SLIT3: variants seen among roughly 807,000 people sequenced by gnomAD.
SLIT3 encodes slit homolog 3 protein.
Under a neutral mutation model 184.0 loss-of-function variants are expected in SLIT3, and 68 were observed. The observed-to-expected ratio is 0.37, with a 90% CI of 0.30 to 0.45. The LOEUF is 0.45. Ranked by LOEUF, SLIT3 falls within the 20% of genes least tolerant of loss-of-function variation. The probability of loss-of-function intolerance (pLI) is 1.00; values close to 1 mark genes in which losing one functional copy is unlikely to be tolerated. For missense variants in SLIT3, 1,707 were observed against 2,026.0 expected (o/e 0.84, Z 3.02); for synonymous variants, 831 against 828.6 (o/e 1.00, Z -0.05).
At chr5:168,774,408 A>C in intron 12 of SLIT3, 30 bp from the exon 13 acceptor site, 1 of 1,587,682 alleles carries the variant, frequency 6.3e-7, no homozygotes, top group Non-Finnish European at 8.6e-7. Flanking sequence ...TGGTTGATTC[A>C]CTAATCCTGG....
intron 5 of SLIT3, among the ~76,000 whole-genome samples, chr5:168,878,393 G>A (rs1269621381): frequency 6.6e-6 from 1 of 152,218 alleles, no homozygotes; most frequent in Non-Finnish European, 1.5e-5. Flanking sequence ...AGGTCCACAG[G>A]GCTCAGAGGC....
At chr5:168,818,455 C>T (rs761007015) in intron 7 of SLIT3, among the ~76,000 whole-genome samples, 21 of 152,304 alleles carry the variant, frequency 1.4e-4, no homozygotes, top group East Asian at 1.9e-4. Context: ...CAGGTTCTTC[C>T]CCCAAGGTCT....
intron 4 of SLIT3, among the ~76,000 whole-genome samples, chr5:169,100,614 A>C (rs1190551296): frequency 6.6e-6 from 1 of 152,184 alleles, no homozygotes; most frequent in African/African-American, 2.4e-5. Context: ...TTGGGACAAG[A>C]GGGACACAAA....
chr5:168,719,697 C>T (rs919283883), intron 23 of SLIT3, among the ~76,000 whole-genome samples: 2 of 152,160 alleles, frequency 1.3e-5, no homozygotes, highest in African/African-American at 4.8e-5. Flanking sequence ...GATTTTAATG[C>T]ACAGAATCTT....
intron 4 of SLIT3, among the ~76,000 whole-genome samples, chr5:168,907,965 TATATATATATATATAG>T (rs1562000100): frequency 4.1e-4 from 33 of 80,074 alleles, no homozygotes; most frequent in Non-Finnish European, 7.8e-4. Flanking sequence ...TATATATATA[TATATATATATATATAG>T]AGAGAGAGAG....
chr5:169,271,061 T>C (rs1766590785), intron 1 of SLIT3, among the ~76,000 whole-genome samples: 1 of 152,128 alleles, frequency 6.6e-6, no homozygotes, highest in South Asian at 2.1e-4. Flanking sequence ...ACAGTGAAAA[T>C]GGCACACCTG....
chr5:169,162,286 G>A (rs1762506190), intron 4 of SLIT3, among the ~76,000 whole-genome samples: 1 of 152,220 alleles, frequency 6.6e-6, no homozygotes, highest in African/African-American at 2.4e-5. Flanking sequence ...CTCAGAAACT[G>A]GTGGGTAGGT....
chr5:168,744,390 G>A (rs1207865810), intron 20 of SLIT3, among the ~76,000 whole-genome samples: 2 of 152,236 alleles, frequency 1.3e-5, no homozygotes, highest in Admixed American at 1.3e-4. Flanking sequence ...TTATCCAGAT[G>A]ATCTAGCTAA....
chr5:169,154,401 G>C (rs1184867772), intron 4 of SLIT3, among the ~76,000 whole-genome samples: 2 of 152,196 alleles, frequency 1.3e-5, no homozygotes, highest in South Asian at 2.1e-4. Context: ...AGTTCTGCCT[G>C]CTGCCATCCT....
rs1581118710 is a variant in SLIT3, at chr5:168,823,301, G to C, written c.588C>G (p.Ile196Met). The change falls in exon 7 of 36, where the codon ATC becomes ATG. Residue 196 changes from isoleucine to methionine, a missense_variant. Ile to Met is a conservative substitution (Grantham distance 10). Around this residue, in one of 3 missense-constraint regions of SLIT3, gnomAD observed 1,307 missense variants for 1,511.6 expected, o/e 0.86. Transcript: ENST00000519560. ...GCATGTGGTTGAAGCTGGTGACCAG[G>C]ATGCGACTGATGTTGTTGTTGTTGA... Reference protein sequence around the residue: ...LTLNNNNISRILVTSFNHMPK... With the variant: ...LTLNNNNISRMLVTSFNHMPK... 6.2e-7 allele frequency: 1 copy of C among 1,613,930 alleles called. No homozygotes were observed. Among genetic ancestry groups the C allele is most frequent in the Non-Finnish European group, 8.5e-7 (1 of 1,179,938 alleles).
intron 3 of SLIT3, among the ~76,000 whole-genome samples, chr5:169,204,908 T>A (rs531994490): frequency 6.6e-6 from 1 of 152,226 alleles, no homozygotes; most frequent in African/African-American, 2.4e-5. Flanking sequence ...TAAGTGAGAT[T>A]CGTCCACAGA....
chr5:169,130,389 G>C (rs1761251368), intron 4 of SLIT3, among the ~76,000 whole-genome samples: 3 of 152,234 alleles, frequency 2.0e-5, no homozygotes. Context: ...AGAAAGAGCT[G>C]AGATAACAGT....
intron 4 of SLIT3, among the ~76,000 whole-genome samples, chr5:169,178,058 C>T (rs1009715136): frequency 2.0e-5 from 3 of 152,264 alleles, no homozygotes; most frequent in Admixed American, 1.3e-4. Context: ...GGTAGAACCA[C>T]TCACAATTTT....
chr5:169,271,559 G>T (rs1010182180), intron 1 of SLIT3, among the ~76,000 whole-genome samples: 1 of 152,214 alleles, frequency 6.6e-6, no homozygotes, highest in Non-Finnish European at 1.5e-5. Context: ...GAAGGAGGCA[G>T]GGGCTTTGCA....
intron 4 of SLIT3, among the ~76,000 whole-genome samples, chr5:169,042,232 C>A (rs1757470317): frequency 6.6e-6 from 1 of 152,118 alleles, no homozygotes; most frequent in Non-Finnish European, 1.5e-5. Context: ...ACTTTAATCA[C>A]CCTACACATT....
intron 27 of SLIT3, among the ~76,000 whole-genome samples, chr5:168,697,108 C>T (rs1762086013): frequency 1.3e-5 from 2 of 152,190 alleles, no homozygotes; most frequent in Non-Finnish European, 1.5e-5. Context: ...CTACACAAAA[C>T]CACCCTACTT....
intron 1 of SLIT3, among the ~76,000 whole-genome samples, chr5:169,296,977 T>G (rs1233601193): frequency 2.6e-5 from 4 of 152,174 alleles, no homozygotes; most frequent in African/African-American, 9.7e-5. Flanking sequence ...AGAGTTCATT[T>G]TCATCTGCCT....
At chr5:168,685,626 A>G in intron 31 of SLIT3, 61 bp downstream of exon 31, 1 of 1,493,806 alleles carries the variant, frequency 6.7e-7, no homozygotes, top group African/African-American at 1.4e-5. Context: ...CAATTTTCTG[A>G]ACTATCAGAG....
At chr5:168,865,677 A>T (rs1184964562) in intron 5 of SLIT3, among the ~76,000 whole-genome samples, 1 of 152,228 alleles carries the variant, frequency 6.6e-6, no homozygotes, top group Non-Finnish European at 1.5e-5. Context: ...GATGAAATGG[A>T]TGCATTTTTT....
Sources: allele counts gnomAD v4.1 joint callset (sites outside exome capture counted in the v4.1 genomes callset), GRCh38; gene constraint gnomAD v4.1.1; regional missense constraint gnomAD v4.1.1; transcripts MANE v1.5; gene names NCBI Gene and HGNC (gene_info 2026-07-23, HGNC 2026-07-21).